The following INSC variants were observed in gnomAD, a reference collection of about 807,000 sequenced individuals.
INSC encodes the protein protein inscuteable homolog.
A neutral mutation model predicts 58.6 loss-of-function variants in INSC; 67 were observed. The observed-to-expected ratio is 1.14, with a 90% CI of 0.94 to 1.40. The LOEUF is 1.40. Ranked by LOEUF, INSC falls within the 40% of genes most tolerant of loss-of-function variation. The pLI is 0.00. For synonymous variants in INSC, 262 were observed against 276.1 expected (o/e 0.95, Z 0.51); for missense variants, 714 against 692.0 (o/e 1.03, Z -0.36).
At chr11:15,132,831 A>G (rs1293992309) in intron 1 of INSC, among the ~76,000 whole-genome samples, 1 of 152,160 alleles carries the variant, frequency 6.6e-6, no homozygotes, top group Non-Finnish European at 1.5e-5. Context: ...TTTCTGGCAT[A>G]ATATATTTTC....
upstream of INSC, among the ~76,000 whole-genome samples, chr11:15,114,225 G>A (rs1257324694): frequency 2.3e-5 from 3 of 130,048 alleles, no homozygotes; most frequent in African/African-American, 8.7e-5. Flanking sequence ...TCTAGATTTA[G>A]CTATTTGACA....
intron 7 of INSC, among the ~76,000 whole-genome samples, chr11:15,204,123 A>G (rs1850705082): frequency 6.6e-6 from 1 of 152,264 alleles, no homozygotes; most frequent in African/African-American, 2.4e-5. Flanking sequence ...TGAGAGGAAC[A>G]ATAACTAACA....
intron 11 of INSC, 75 bp downstream of exon 11, chr11:15,239,149 G>A (rs1852247046): frequency 7.9e-6 from 12 of 1,512,428 alleles, no homozygotes; most frequent in Middle Eastern, 2.4e-4. Flanking sequence ...ATTTCACAGT[G>A]GCAACAGTGG....
intron 2 of INSC, 90 bp downstream of exon 2, chr11:15,149,320 C>T: frequency 1.6e-6 from 2 of 1,268,528 alleles, no homozygotes; most frequent in Non-Finnish European, 2.1e-6. Context: ...CTGCAGGTGA[C>T]CCCATCTTCC....
chr11:15,190,497 C>G (rs924425314), intron 5 of INSC, among the ~76,000 whole-genome samples: 1 of 152,210 alleles, frequency 6.6e-6, no homozygotes, highest in Non-Finnish European at 1.5e-5. Flanking sequence ...TATCCCATAT[C>G]TCTAAAATGT....
intron 1 of INSC, among the ~76,000 whole-genome samples, chr11:15,120,508 G>A (rs1259225012): frequency 2.0e-5 from 3 of 152,210 alleles, no homozygotes; most frequent in Non-Finnish European, 2.9e-5. Flanking sequence ...TTGCCAGGAA[G>A]AGGAGGACAT....
chr11:15,197,245 A>C (rs1850405699), intron 6 of INSC, among the ~76,000 whole-genome samples: 1 of 152,226 alleles, frequency 6.6e-6, no homozygotes. Context: ...TTTCAGGTCC[A>C]AGGGATGGAG....
chr11:15,255,472 A>T, the INSC span, among the ~76,000 whole-genome samples: 1 of 152,232 alleles, frequency 6.6e-6, no homozygotes. Flanking sequence ...TTCAGAGTAA[A>T]GCATCAAAGA....
downstream of INSC, among the ~76,000 whole-genome samples, chr11:15,248,912 C>A (rs889655594): frequency 1.3e-5 from 2 of 152,144 alleles, no homozygotes; most frequent in Non-Finnish European, 2.9e-5. Flanking sequence ...AGACTAACCA[C>A]CAAGGTAAGC....
At position 15,161,322 on chromosome 11, in the gene INSC, A is replaced by G. The variant is rs557437077; in HGVS notation, c.56+12092A>G. On this transcript the variant is annotated intron_variant, in intron 2 of 12. Transcript: ENST00000379556. Reference sequence around the variant, plus strand: ...CTATATTATACTGAACAGTTTGATTAACAAAAAATGATATAGAACACGTCA... The same window carrying G: ...CTATATTATACTGAACAGTTTGATTGACAAAAAATGATATAGAACACGTCA... 1.2e-3 allele frequency among the ~76,000 whole-genome samples: 177 copies of G among 152,366 alleles called. 1 individual carries two copies. Among genetic ancestry groups the G allele is most frequent in the African/African-American group, 3.8e-3 (157 of 41,586 alleles).
the INSC span, among the ~76,000 whole-genome samples, chr11:15,264,247 T>A: frequency 7.6e-3 from 1,031 of 136,380 alleles, 6 homozygotes; most frequent in Non-Finnish European, 0.012. Context: ...GAGCCAGCAA[T>A]AGAACCTCAA....
intron 12 of INSC, 69 bp downstream of exon 12, chr11:15,240,592 C>T (rs565131526): frequency 2.8e-4 from 379 of 1,339,438 alleles, no homozygotes; most frequent in Non-Finnish European, 3.6e-4. Flanking sequence ...CCAGGAGAAC[C>T]GGCTGTGCTG....
intron 7 of INSC, among the ~76,000 whole-genome samples, chr11:15,202,056 G>A (rs934229708): frequency 2.0e-5 from 3 of 152,202 alleles, no homozygotes; most frequent in Admixed American, 1.3e-4. Flanking sequence ...CTTAGCTAAG[G>A]ATGGAATGTG....
chr11:15,192,027 C>T (rs11023465), intron 6 of INSC, among the ~76,000 whole-genome samples: 1 of 152,184 alleles, frequency 6.6e-6, no homozygotes, highest in Admixed American at 6.5e-5. Flanking sequence ...CAAGGATTTG[C>T]TCAAGGAATA....
intron 1 of INSC, among the ~76,000 whole-genome samples, chr11:15,133,760 C>T (rs1230254502): frequency 6.6e-6 from 1 of 152,164 alleles, no homozygotes; most frequent in Non-Finnish European, 1.5e-5. Context: ...CTTAGGTTTC[C>T]TGGTTCTTCT....
chr11:15,225,522 C>G, intron 8 of INSC, 128 bp from the exon 9 acceptor site: 2 of 949,758 alleles, frequency 2.1e-6, no homozygotes, highest in Non-Finnish European at 3.1e-6. Context: ...AGCCACTTTC[C>G]TCATCTGTAA....
At chr11:15,180,546 C>T (rs945252218) in intron 5 of INSC, among the ~76,000 whole-genome samples, 2 of 151,990 alleles carry the variant, frequency 1.3e-5, no homozygotes, top group African/African-American at 4.8e-5. Flanking sequence ...TCTGGTGCTC[C>T]TACTTCCCCA....
Position 15,244,863 on chromosome 11 carries a change from G to T in INSC, c.1471-1049G>T, listed in dbSNP as rs572239039. Among the ~76,000 whole-genome samples the T allele has an allele frequency of 8.5e-5, 13 of 152,278 alleles. No individual in the cohort carries two copies. In the South Asian group the frequency reaches 2.3e-3, roughly 27 times the overall value. On this transcript the variant is annotated intron_variant, in intron 12 of 12. Transcript: ENST00000379556. Reference sequence around the variant, plus strand: ...TGTGTATATGCTCAGGAAGAGGGAAGAAATTAATATTTATCAAGCACTTAG... The same window carrying T: ...TGTGTATATGCTCAGGAAGAGGGAATAAATTAATATTTATCAAGCACTTAG...
intron 5 of INSC, among the ~76,000 whole-genome samples, chr11:15,189,516 G>A (rs1215374567): frequency 6.6e-6 from 1 of 152,090 alleles, no homozygotes; most frequent in Non-Finnish European, 1.5e-5. Context: ...TCATAGGCAC[G>A]TGCCACTGCA....
Sources: gnomAD v4.1 joint callset for allele counts (sites outside exome capture counted in the v4.1 genomes callset) on GRCh38, gnomAD v4.1.1 for gene constraint, MANE v1.5 for transcripts, NCBI Gene and HGNC (gene_info 2026-07-23, HGNC 2026-07-21) for gene names.